VWF: variants seen among roughly 807,000 people sequenced by gnomAD.
The protein encoded by VWF is Factor VIII related antigen.
Under a neutral mutation model 308.6 loss-of-function variants are expected in VWF, and 176 were observed. That is an observed-to-expected ratio of 0.57 (90% CI 0.50 to 0.65). The LOEUF (loss-of-function observed/expected upper bound fraction) is 0.65, where lower values mean the gene tolerates loss of function less well. Ranked by LOEUF, VWF falls within the 30% of genes least tolerant of loss-of-function variation. The pLI, the probability that VWF is intolerant of heterozygous loss-of-function variation, is 0.00. For synonymous variants in VWF, 1,385 were observed against 1,443.4 expected (o/e 0.96, Z 0.92); for missense variants, 3,146 against 3,648.2 (o/e 0.86, Z 3.55).
Position 6,041,351 on chromosome 12 carries a change from A to C in VWF, c.2442+2940T>G, listed in dbSNP as rs886860505. 2.0e-5 allele frequency among the ~76,000 whole-genome samples: 3 copies of C among 151,458 alleles called. 1 individual carries two copies. The highest frequency in any genetic ancestry group is 4.8e-5 in the African/African-American group (2 of 41,264). The stretch of plus-strand genomic sequence containing the variant: ...AGGCTGAGGCAGGAGAATCACTAGA[A>C]CCTGGGAGGTGGGGGTTGCAGTGAG... On this transcript the variant is annotated intron_variant, in intron 18 of 51. Coordinates refer to ENST00000261405, the MANE Select transcript of VWF (RefSeq NM_000552.5).
At chr12:6,088,998 A>C (rs1945003610) in intron 6 of VWF, among the ~76,000 whole-genome samples, 1 of 152,166 alleles carries the variant, frequency 6.6e-6, no homozygotes, top group Non-Finnish European at 1.5e-5. Context: ...AAAGCACCAG[A>C]GGGTTGGGGA....
intron 20 of VWF, among the ~76,000 whole-genome samples, chr12:6,033,726 G>A (rs980535580): frequency 2.0e-5 from 3 of 152,010 alleles, no homozygotes; most frequent in South Asian, 2.1e-4. Flanking sequence ...TGTTGGCTCC[G>A]CCCCATGCCC....
chr12:6,095,695 A>T, intron 5 of VWF, 111 bp from the exon 6 acceptor site: 1 of 1,504,514 alleles, frequency 6.6e-7, no homozygotes, highest in East Asian at 2.3e-5. Context: ...TTAATTTTTT[A>T]TAAAGAGACA....
In VWF at chr12:6,097,445, G is replaced by C. The variant is rs78121283; in HGVS notation, c.533-1861C>G. 2.8e-4 allele frequency among the ~76,000 whole-genome samples: 43 copies of C among 151,892 alleles called. 1 individual carries two copies. The highest frequency in any genetic ancestry group is 9.9e-4 in the African/African-American group (41 of 41,440). ...AGCATGACTCCATCCCAAAACAAAA[G>C]ACAAAACAAAACAAAACAAAACAAA... On this transcript the variant is annotated intron_variant, in intron 5 of 51. Coordinates refer to ENST00000261405, the MANE Select transcript of VWF (RefSeq NM_000552.5).
chr12:6,026,324 TG>T (rs1019949646), intron 22 of VWF, among the ~76,000 whole-genome samples: 3 of 151,910 alleles, frequency 2.0e-5, no homozygotes, highest in Non-Finnish European at 4.4e-5. Flanking sequence ...AGGGCAGAGG[TG>T]GGAATCAGGC....
intron 10 of VWF, among the ~76,000 whole-genome samples, chr12:6,069,934 T>A (rs1487699452): frequency 6.6e-6 from 1 of 152,210 alleles, no homozygotes; most frequent in Non-Finnish European, 1.5e-5. Context: ...GACGGAAGAT[T>A]CACCCTATAG....
rs772129534 is a variant in VWF at position 5,949,076 on chromosome 12, A to C, written c.8381T>G (p.Val2794Gly). ...VALHCTNGSV[V>G]YHEVLNAMEC... ...CATGGCATTGAGAACCTCATGGTAC[A>C]CAACAGAGCCATTGGTGCAGTGCAG... Residue 2794 changes from valine to glycine, a missense_variant, in exon 52 of 52, where the codon GTG becomes GGG. Coordinates refer to ENST00000261405, the MANE Select transcript of VWF (RefSeq NM_000552.5). The C allele has an allele frequency of 6.2e-7, 1 of 1,614,210 alleles. No homozygotes were observed. The highest frequency in any genetic ancestry group is 8.5e-7 in the Non-Finnish European group (1 of 1,180,022).
intron 49 of VWF, 97 bp downstream of exon 49, chr12:5,952,294 A>G (rs1943200428): frequency 6.5e-7 from 1 of 1,536,258 alleles, no homozygotes; most frequent in South Asian, 1.1e-5. Context: ...TGCCTCAGAC[A>G]CTGAGAAATT....
rs756364693 is a variant in VWF, at chr12:6,064,259, G to A, written c.1419C>T (p.Leu473=). Residue 473 remains leucine (L), a synonymous_variant, in exon 12 of 52, where the codon CTC becomes CTT. Transcript: ENST00000261405. ...GACGAAGCATACCTTTCAGGAGGGG[G>A]AGCTGGACGTCCTGGCCATCCATGG... ...GVAMDGQDVQ[L]PLLKGDLRIQ... 38 of 1,614,170 alleles carry A rather than the reference G, an allele frequency of 2.4e-5. No individual in the cohort carries two copies. Among genetic ancestry groups the A allele is most frequent in the Non-Finnish European group, 3.1e-5 (37 of 1,180,048 alleles).
chr12:6,032,070 C>A (rs1439173095), intron 20 of VWF, among the ~76,000 whole-genome samples: 3 of 152,088 alleles, frequency 2.0e-5, no homozygotes, highest in African/African-American at 7.2e-5. Context: ...TCCTGAGCTA[C>A]CAAGTCGAGA....
At chr12:6,038,054 T>C (rs1944357324) in intron 18 of VWF, among the ~76,000 whole-genome samples, 1 of 152,130 alleles carries the variant, frequency 6.6e-6, no homozygotes, top group South Asian at 2.1e-4. Flanking sequence ...GACCCCACTC[T>C]TGGTAGCTCT....
chr12:5,951,036 G>A (rs181475953), intron 50 of VWF, among the ~76,000 whole-genome samples: 8 of 152,060 alleles, frequency 5.3e-5, no homozygotes, highest in Admixed American at 4.6e-4. Flanking sequence ...TTCTCTATCT[G>A]TAAACAAGCA....
At chr12:5,970,706 T>A (rs908105596) in intron 44 of VWF, among the ~76,000 whole-genome samples, 2 of 151,948 alleles carry the variant, frequency 1.3e-5, no homozygotes, top group Admixed American at 6.6e-5. Context: ...TGGGCCTGGG[T>A]AGGAGATGGG....
intron 6 of VWF, 96 bp downstream of exon 6, chr12:6,095,364 C>G: frequency 6.3e-7 from 1 of 1,595,160 alleles, no homozygotes; most frequent in African/African-American, 1.3e-5. Flanking sequence ...AAGTCCATTC[C>G]TCCCCCAGAT....
chr12:5,973,652 C>T (rs1943502524), intron 43 of VWF, among the ~76,000 whole-genome samples: 1 of 152,216 alleles, frequency 6.6e-6, no homozygotes, highest in Non-Finnish European at 1.5e-5. Context: ...AGGTTCTGGC[C>T]AACCCCATTC....
chr12:5,974,009 A>T (rs993095004), intron 43 of VWF, among the ~76,000 whole-genome samples: 3 of 152,168 alleles, frequency 2.0e-5, no homozygotes, highest in Non-Finnish European at 4.4e-5. Context: ...AGAGCAGAGA[A>T]CTATGGAGGA....
rs559519137 is a variant in VWF, at chr12:6,108,967, C to T, written c.532+1407G>A. On this transcript the variant is annotated intron_variant, in intron 5 of 51. Coordinates refer to ENST00000261405, the MANE Select transcript of VWF (RefSeq NM_000552.5). ...CTGCACTCCAGCCTGGGTGACAGAG[C>T]GAGACTCCGTCTCAAAAAAAAAAAA... 1.6e-3 allele frequency among the ~76,000 whole-genome samples: 223 copies of T among 138,210 alleles called. 1 individual carries two copies. The highest frequency in any genetic ancestry group is 3.2e-3 in the Admixed American group (42 of 12,972). 90.7% of individuals were successfully genotyped at this position (138,210 alleles called of 152,430 possible).
chr12:6,108,584 T>C (rs886921853), intron 5 of VWF, among the ~76,000 whole-genome samples: 24 of 148,976 alleles, frequency 1.6e-4, no homozygotes, highest in Non-Finnish European at 3.3e-4. Context: ...CATAGAACAC[T>C]TGTAAAAAAA....
At chr12:6,096,145 ATGGAT>A (rs1241555737) in intron 5 of VWF, among the ~76,000 whole-genome samples, 1 of 151,926 alleles carries the variant, frequency 6.6e-6, no homozygotes, top group African/African-American at 2.4e-5. Flanking sequence ...GGATGGATGG[ATGGAT>A]GGATGGACGG....
Sources: allele counts gnomAD v4.1 joint callset (sites outside exome capture counted in the v4.1 genomes callset), GRCh38; gene constraint gnomAD v4.1.1; transcripts MANE v1.5; gene names NCBI Gene and HGNC (gene_info 2026-07-23, HGNC 2026-07-21).